The following PTCD1 variants were observed in gnomAD, a reference collection of about 807,000 sequenced individuals.
The protein encoded by PTCD1 is pentatricopeptide repeat domain 1.
A neutral mutation model predicts 53.4 loss-of-function variants in PTCD1; 50 were observed. The observed-to-expected ratio is 0.94, with a 90% CI of 0.75 to 1.19. The LOEUF is 1.19. Ranked by LOEUF, PTCD1 falls within the 50% of genes most tolerant of loss-of-function variation. PTCD1 has a pLI of 0.00. For synonymous variants in PTCD1, 413 were observed against 394.8 expected, an observed-to-expected ratio of 1.05 and a Z score of -0.55; for missense variants, 918 against 904.8, an observed-to-expected ratio of 1.01 and a Z score of -0.19.
intron 1 of PTCD1, among the ~76,000 whole-genome samples, chr7:99,438,272 C>G (rs45550138): frequency 9.2e-4 from 140 of 151,618 alleles, no homozygotes; most frequent in Non-Finnish European, 1.4e-3. Flanking sequence ...ACCCGCCCCC[C>G]CAACCCCGCC....
chr7:99,433,380 CA>C lies in PTCD1; in HGVS notation c.491del (p.Leu164ArgfsTer16). ...CCATGGGCTGCAATCGCTCCTCCTTCAGCATCTGCCTCTCAAACAGGTCCAG... is the reference window on the plus strand; with the variant it reads ...CCATGGGCTGCAATCGCTCCTCCTTCGCATCTGCCTCTCAAACAGGTCCAG... Reference protein sequence around the residue: ...EALDLFERQMLKEERLQPMES... With the variant: ...EALDLFERQMXKEERLQPMES... On this transcript the variant is annotated frameshift_variant, in exon 3 of 8. Transcript: ENST00000292478. LOFTEE classifies it high-confidence loss of function. 4 of 1,614,218 alleles carry C rather than the reference CA, an allele frequency of 2.5e-6. No homozygotes were observed. The highest frequency in any genetic ancestry group is 3.4e-6 in the Non-Finnish European group (4 of 1,180,050).
Position 99,419,762 on chromosome 7 carries a change from GC to G in PTCD1, c.*204del, listed in dbSNP as rs1795715910. 1.2e-6 allele frequency: 1 copy of G among 809,046 alleles called. No homozygotes were observed. Among genetic ancestry groups the G allele is most frequent in the African/African-American group, 1.7e-5 (1 of 57,890 alleles). 50.1% of individuals were successfully genotyped at this position (809,046 alleles called of 1,614,324 possible). A position where few individuals can be genotyped will look rare whatever the true frequency, so the allele number is the denominator to read the frequency against. On this transcript the variant is annotated 3_prime_UTR_variant, in exon 8 of 8. Transcript: ENST00000292478. ...GCTGGAAGTCCCGTGAAGGTGACAC[GC>G]AAAGGTGGCTGGAGCTGCACTTGGA...
intron 7 of PTCD1, among the ~76,000 whole-genome samples, chr7:99,423,100 G>C (rs552757288): frequency 6.9e-6 from 1 of 144,768 alleles, no homozygotes; most frequent in South Asian, 2.2e-4. Flanking sequence ...TTGAGACCAA[G>C]TCTCCATCTA....
chr7:99,438,661 G>A (rs975394511), intron 1 of PTCD1, 31 bp downstream of exon 1: 1 of 1,242,992 alleles, frequency 8.0e-7, no homozygotes, highest in Non-Finnish European at 1.0e-6. Context: ...CCGGGTCCCG[G>A]GGCTCCTGCG....
intron 2 of PTCD1, among the ~76,000 whole-genome samples, chr7:99,434,051 C>CAAAAA (rs552163766): frequency 2.1e-5 from 1 of 48,666 alleles, no homozygotes; most frequent in African/African-American, 7.9e-5. Context: ...GACTCCATCT[C>CAAAAA]AAAAAAAAAA....
Position 99,419,363 on chromosome 7 carries a change from A to G in PTCD1, c.*604T>C, listed in dbSNP as rs1331128082. 6 of 1,612,228 alleles carry G rather than the reference A, an allele frequency of 3.7e-6. No individual in the cohort carries two copies. Among genetic ancestry groups the G allele is most frequent in the Non-Finnish European group, 5.1e-6 (6 of 1,179,842 alleles). On this transcript the variant is annotated 3_prime_UTR_variant, in exon 8 of 8. Coordinates refer to ENST00000292478, the MANE Select transcript of PTCD1 (RefSeq NM_015545.4). ...GCAGGGGCGAGCGTGGCGCAGTGGCATCGTCTCACTGTCCTCCTCCGTTGC... is the reference window on the plus strand; with the variant it reads ...GCAGGGGCGAGCGTGGCGCAGTGGCGTCGTCTCACTGTCCTCCTCCGTTGC...
intron 3 of PTCD1, among the ~76,000 whole-genome samples, chr7:99,430,202 C>T (rs967294380): frequency 1.3e-5 from 2 of 152,236 alleles, no homozygotes; most frequent in African/African-American, 2.4e-5. Context: ...GGGGATGACA[C>T]CATCACCTTG....
Position 99,434,816 on chromosome 7 carries a change from A to G in PTCD1, c.427T>C (p.Cys143Arg). 6.2e-7 allele frequency: 1 copy of G among 1,614,146 alleles called. No homozygotes were observed. Among genetic ancestry groups the G allele is most frequent in the Non-Finnish European group, 8.5e-7 (1 of 1,180,024 alleles). ...RNTPYWYFLQ[C>R]KHLIKEGKLV... is the part of the protein sequence containing the mutation. ...TTCCCTTCCTTGATCAGGTGTTTGCACTGCAAGAAGTACCAGTACGGGGTG... is the reference window on the plus strand; with the variant it reads ...TTCCCTTCCTTGATCAGGTGTTTGCGCTGCAAGAAGTACCAGTACGGGGTG... Residue 143 changes from cysteine to arginine, a missense_variant, in exon 2 of 8, where the codon TGC (cysteine) becomes CGC (arginine). Transcript: ENST00000292478.
In PTCD1 at chr7:99,438,782, G is replaced by C. The variant is rs1400229678; in HGVS notation, c.-117C>G. ...CTTCCTCGGGTCCCCCTCTCCCCAA[G>C]CGCGCAGGCGCAATCCGCGTCGCCG... On this transcript the variant is annotated 5_prime_UTR_variant, in exon 1 of 8. Transcript: ENST00000292478. 1 of 1,372,520 alleles carries C rather than the reference G, an allele frequency of 7.3e-7. No homozygotes were observed. The highest frequency in any genetic ancestry group is 9.6e-7 in the Non-Finnish European group (1 of 1,043,994). 85.0% of individuals were successfully genotyped at this position (1,372,520 alleles called of 1,614,324 possible).
chr7:99,419,744 G>T lies in PTCD1; in HGVS notation c.*223C>A. On this transcript the variant is annotated 3_prime_UTR_variant, in exon 8 of 8. Coordinates refer to ENST00000292478, the MANE Select transcript of PTCD1 (RefSeq NM_015545.4). ...CACACAAAGGTAGCTGGAGCTGGAA[G>T]TCCCGTGAAGGTGACACGCAAAGGT... The T allele has an allele frequency of 1.3e-6, 1 of 740,970 alleles. No homozygotes were observed. The highest frequency in any genetic ancestry group is 2.2e-6 in the Non-Finnish European group (1 of 463,580). 45.9% of individuals were successfully genotyped at this position (740,970 alleles called of 1,614,324 possible). A position where few individuals can be genotyped will look rare whatever the true frequency, so the allele number is the denominator to read the frequency against.
intron 4 of PTCD1, 108 bp from the exon 5 acceptor site, chr7:99,429,312 T>C: frequency 9.9e-6 from 14 of 1,418,546 alleles, no homozygotes; most frequent in Non-Finnish European, 1.4e-5. Flanking sequence ...GATGATCACT[T>C]GAGGCCAGGA....
In PTCD1 at chr7:99,433,400, G is replaced by C. The variant is rs2150959713; in HGVS notation, c.472C>G (p.Leu158Val). ...TCCTTCAGCATCTGCCTCTCAAACA[G>C]GTCCAGGGCTTCAACCAGCTGCAGG... ...KEGKLVEALDLFERQMLKEER... is the reference protein window; with the variant it reads ...KEGKLVEALDVFERQMLKEER... The change falls in exon 3 of 8, where the codon CTG becomes GTG. Residue 158 changes from leucine (L) to valine (V), a missense_variant. Transcript: ENST00000292478. 1 of 1,614,186 alleles carries C rather than the reference G, an allele frequency of 6.2e-7. No individual in the cohort carries two copies. Among genetic ancestry groups the C allele is most frequent in the East Asian group, 2.2e-5 (1 of 44,880 alleles).
intron 7 of PTCD1, among the ~76,000 whole-genome samples, chr7:99,422,441 C>T (rs1338325383): frequency 6.6e-6 from 1 of 152,224 alleles, no homozygotes. Flanking sequence ...AGCCTCAGAA[C>T]AGCAGGGAGA....
chr7:99,420,187 AC>A (rs1218382187), intron 7 of PTCD1, 38 bp from the exon 8 acceptor site: 2 of 1,613,182 alleles, frequency 1.2e-6, no homozygotes, highest in African/African-American at 1.3e-5. Flanking sequence ...CACTCCTGTT[AC>A]CTACAGCTAA....
chr7:99,421,046 A>G (rs141950481), intron 7 of PTCD1, among the ~76,000 whole-genome samples: 1 of 152,310 alleles, frequency 6.6e-6, no homozygotes, highest in East Asian at 1.9e-4. Flanking sequence ...AGCAAAACTC[A>G]ACAGAATCAC....
intron 5 of PTCD1, among the ~76,000 whole-genome samples, chr7:99,427,403 G>T (rs1329142330): frequency 6.7e-6 from 1 of 148,954 alleles, no homozygotes; most frequent in African/African-American, 2.5e-5. Flanking sequence ...GAGGTGAGGG[G>T]CGCCTCTGCC....
At chr7:99,437,193 A>G (rs544377310) in intron 1 of PTCD1, among the ~76,000 whole-genome samples, 1 of 152,364 alleles carries the variant, frequency 6.6e-6, no homozygotes, top group Non-Finnish European at 1.5e-5. Flanking sequence ...AATACACAGA[A>G]TTACAAAACA....
intron 5 of PTCD1, 89 bp downstream of exon 5, chr7:99,429,014 C>G: frequency 6.9e-7 from 1 of 1,449,566 alleles, no homozygotes; most frequent in Non-Finnish European, 9.7e-7. Flanking sequence ...ATACTCAGCA[C>G]AGGGCCATCG....
chr7:99,426,567 T>A (rs1450377005), intron 5 of PTCD1, among the ~76,000 whole-genome samples: 1 of 152,192 alleles, frequency 6.6e-6, no homozygotes, highest in East Asian at 1.9e-4. Flanking sequence ...CCGCCTGCCT[T>A]GGCCTCCCAA....
Sources: gnomAD v4.1 joint callset for allele counts (sites outside exome capture counted in the v4.1 genomes callset) on GRCh38, gnomAD v4.1.1 for gene constraint, MANE v1.5 for transcripts, NCBI Gene and HGNC (gene_info 2026-07-23, HGNC 2026-07-21) for gene names.